Variants in UBR3 observed in about 807,000 individuals in gnomAD.
The protein encoded by UBR3 is ubiquitin protein ligase E3 component n-recognin 3, also known as E3 ubiquitin-protein ligase UBR3.
Under a neutral mutation model 243.2 loss-of-function variants are expected in UBR3, and 85 were observed. The ratio of observed to expected loss-of-function variants is 0.35; its 90% CI spans 0.29 to 0.42. The LOEUF (loss-of-function observed/expected upper bound fraction) is 0.42. Ranked by LOEUF, UBR3 falls within the 10% of genes least tolerant of loss-of-function variation. The probability of loss-of-function intolerance (pLI) is 1.00; values close to 1 mark genes in which losing one functional copy is unlikely to be tolerated. For missense variants in UBR3, 1,686 were observed against 2,300.8 expected, an observed-to-expected ratio of 0.73 and a Z score of 5.47; for synonymous variants, 748 against 799.8, an observed-to-expected ratio of 0.94 and a Z score of 1.09.
intron 1 of UBR3, among the ~76,000 whole-genome samples, chr2:169,851,028 T>C (rs1242190555): frequency 6.6e-6 from 1 of 152,242 alleles, no homozygotes; most frequent in East Asian, 1.9e-4. Flanking sequence ...AAATCTGATT[T>C]GACAATCCTT....
chr2:170,003,613 G>T (rs181889398), intron 27 of UBR3, among the ~76,000 whole-genome samples: 2 of 151,966 alleles, frequency 1.3e-5, no homozygotes, highest in Non-Finnish European at 2.9e-5. Flanking sequence ...GTTACAGTAC[G>T]CATGCTAAAT....
intron 1 of UBR3, among the ~76,000 whole-genome samples, chr2:169,861,597 ACT>A (rs2083092865): frequency 7.1e-6 from 1 of 140,722 alleles, no homozygotes; most frequent in East Asian, 2.1e-4. Context: ...ACAGAGCAAG[ACT>A]CTGTCTCAAA....
intron 24 of UBR3, among the ~76,000 whole-genome samples, chr2:169,965,860 T>A (rs1426738708): frequency 6.6e-6 from 1 of 152,208 alleles, no homozygotes; most frequent in Non-Finnish European, 1.5e-5. Flanking sequence ...AAGGGGAGAC[T>A]ACTGTAGTTG....
chr2:170,010,998 A>G (rs1478007355), intron 29 of UBR3, among the ~76,000 whole-genome samples: 1 of 151,964 alleles, frequency 6.6e-6, no homozygotes, highest in Non-Finnish European at 1.5e-5. Flanking sequence ...CCCTATCTCT[A>G]TGAAAAATAA....
intron 35 of UBR3, among the ~76,000 whole-genome samples, chr2:170,066,702 C>CA (rs1223906501): frequency 1.3e-5 from 2 of 152,146 alleles, no homozygotes; most frequent in Non-Finnish European, 2.9e-5. Context: ...TGCAATGGCT[C>CA]ACGCCTGTAA....
intron 1 of UBR3, among the ~76,000 whole-genome samples, chr2:169,860,019 A>AT (rs1178114354): frequency 1.3e-5 from 2 of 151,972 alleles, no homozygotes; most frequent in Admixed American, 6.6e-5. Flanking sequence ...ACCTGGTCTT[A>AT]TTTTTTAATC....
intron 5 of UBR3, among the ~76,000 whole-genome samples, chr2:169,880,077 G>A (rs2083764006): frequency 6.6e-6 from 1 of 152,090 alleles, no homozygotes; most frequent in Non-Finnish European, 1.5e-5. Flanking sequence ...GAGGTGGAAT[G>A]GCCTATTAAA....
At chr2:169,970,239 T>G (rs1233896802) in intron 24 of UBR3, among the ~76,000 whole-genome samples, 2 of 147,854 alleles carry the variant, frequency 1.4e-5, no homozygotes, top group Admixed American at 6.7e-5. Context: ...TCCTAGGTTT[T>G]TTTTTTTTTT....
intron 24 of UBR3, among the ~76,000 whole-genome samples, chr2:169,970,235 GTTTT>G (rs531832498): frequency 5.8e-5 from 5 of 85,580 alleles, no homozygotes; most frequent in African/African-American, 1.9e-4. Context: ...TTGTTCCTAG[GTTTT>G]TTTTTTTTTT....
At chr2:169,914,709 G>A (rs186152585) in intron 11 of UBR3, among the ~76,000 whole-genome samples, 2 of 152,110 alleles carry the variant, frequency 1.3e-5, no homozygotes. Context: ...TATGAAGTAG[G>A]GTCAGAATAT....
intron 25 of UBR3, among the ~76,000 whole-genome samples, chr2:169,993,000 G>C (rs1239179664): frequency 1.3e-5 from 2 of 152,186 alleles, no homozygotes; most frequent in East Asian, 3.9e-4. Flanking sequence ...GCCTCAAGTA[G>C]TCTGTCCACC....
At chr2:169,937,450 T>G (rs2086384254) in intron 19 of UBR3, among the ~76,000 whole-genome samples, 1 of 152,226 alleles carries the variant, frequency 6.6e-6, no homozygotes, top group East Asian at 1.9e-4. Flanking sequence ...TCTCCCATTC[T>G]GTAAGTTGCC....
intron 18 of UBR3, among the ~76,000 whole-genome samples, chr2:169,932,539 G>C (rs1411050727): frequency 6.6e-6 from 1 of 152,154 alleles, no homozygotes; most frequent in Non-Finnish European, 1.5e-5. Context: ...GTTGGGACTA[G>C]AGGTGTAAGG....
Position 170,069,772 on chromosome 2 carries a change from T to C in UBR3, c.5020-3656T>C, listed in dbSNP as rs191723211. On this transcript the variant is annotated intron_variant, in intron 35 of 38. Coordinates refer to ENST00000272793, the MANE Select transcript of UBR3 (RefSeq NM_172070.4). ...CCTTCTTTTCTTAGGTTGAATAATA[T>C]TTCATGTGTATACAGTCATCCATCG... Among the ~76,000 whole-genome samples the C allele has an allele frequency of 3.0e-4, 46 of 152,178 alleles. No individual in the cohort carries two copies. In the Middle Eastern group the frequency reaches 0.014, roughly 45 times the overall value.
chr2:170,014,752 TTA>T (rs1457909419), intron 29 of UBR3: 2 of 152,772 alleles, frequency 1.3e-5, no homozygotes, highest in African/African-American at 2.4e-5. Context: ...TGCTGTTAAA[TTA>T]TATGTGTTGT....
chr2:169,872,349 A>G lies in UBR3; in HGVS notation c.659A>G (p.Tyr220Cys). 6.7e-7 allele frequency: 1 copy of G among 1,493,292 alleles called. No individual in the cohort carries two copies. The highest frequency in any genetic ancestry group is 9.1e-7 in the Non-Finnish European group (1 of 1,104,058). The allele number at this position is 1,493,292 out of a possible 1,614,324, so 92.5% of individuals were successfully genotyped here. The change falls in exon 2 of 39, where the codon TAC (tyrosine) becomes TGC (cysteine). Residue 220 changes from tyrosine (Y) to cysteine (C), a missense_variant. Tyr to Cys is a radical substitution (Grantham distance 194, BLOSUM62 -2). This residue lies in a region of UBR3 where 200 missense variants were observed against 231.6 expected (regional missense o/e 0.86). Transcript: ENST00000272793. ...AGATTTATATTTTGTCTTATTCAGT[A>G]CTTAAGAGAAGGCTATAATGAACCA... Reference protein sequence around the residue: ...LPRFIFCLIQYLREGYNEPAA... With the variant: ...LPRFIFCLIQCLREGYNEPAA...
chr2:169,917,937 A>G (rs549853726), intron 11 of UBR3, among the ~76,000 whole-genome samples: 107 of 152,298 alleles, frequency 7.0e-4, no homozygotes, highest in Non-Finnish European at 9.9e-4. Context: ...TTTTGACCTC[A>G]GGTGATCCAC....
At chr2:169,918,566 C>T (rs151176862) in intron 11 of UBR3, among the ~76,000 whole-genome samples, 1,768 of 151,464 alleles carry the variant, frequency 0.012, 50 homozygotes, top group African/African-American at 0.039. Context: ...AGGTGATTCT[C>T]CTGCCTGGGC....
At chr2:169,889,584 T>A (rs958170302) in intron 5 of UBR3, among the ~76,000 whole-genome samples, 10 of 152,110 alleles carry the variant, frequency 6.6e-5, no homozygotes, top group African/African-American at 2.4e-4. Context: ...ATTTCTCCAG[T>A]GGCAAGCTAA....
Sources: allele counts gnomAD v4.1 joint callset (sites outside exome capture counted in the v4.1 genomes callset), GRCh38; gene constraint gnomAD v4.1.1; regional missense constraint gnomAD v4.1.1; transcripts MANE v1.5; gene names NCBI Gene and HGNC (gene_info 2026-07-23, HGNC 2026-07-21).